Variants in PTPRD observed in about 807,000 individuals in gnomAD.
PTPRD encodes protein tyrosine phosphatase receptor type D.
A neutral mutation model predicts 214.5 loss-of-function variants in PTPRD; 34 were observed. The observed-to-expected ratio is 0.16, with a 90% CI of 0.12 to 0.21. The LOEUF (loss-of-function observed/expected upper bound fraction) is 0.21, where lower values mean the gene tolerates loss of function less well. PTPRD is among the 10% of genes least tolerant of loss of function. The pLI is 1.00. For missense variants in PTPRD, 2,545 were observed against 2,398.7 expected (o/e 1.06, Z -1.27); for synonymous variants, 1,128 against 845.7 (o/e 1.33, Z -5.79).
At chr9:9,128,729 G>C (rs559900935) in intron 10 of PTPRD, among the ~76,000 whole-genome samples, 1 of 152,270 alleles carries the variant, frequency 6.6e-6, no homozygotes, top group African/African-American at 2.4e-5. Context: ...GATAAAAGTG[G>C]AGTTTAGGTT....
chr9:10,512,009 T>C (rs1333541752), intron 2 of PTPRD, among the ~76,000 whole-genome samples: 36 of 85,854 alleles, frequency 4.2e-4, no homozygotes, highest in African/African-American at 3.0e-4. Context: ...TATATATATA[T>C]ACGTGTGTGT....
At position 9,625,985 on chromosome 9, in the gene PTPRD, C is replaced by T. The variant is rs186900606; in HGVS notation, c.-286-51204G>A. Among the ~76,000 whole-genome samples the T allele has an allele frequency of 1.7e-3, 264 of 152,198 alleles. 1 individual carries two copies. Among genetic ancestry groups the T allele is most frequent in the African/African-American group, 6.1e-3 (253 of 41,520 alleles). On this transcript the variant is annotated intron_variant, in intron 7 of 45. Transcript: ENST00000381196. ...CTTTTGCTGCAACTACTGAGTTCTGCCTTTGTAGCACAAAAAAACAGCAAT... is the reference window on the plus strand; with the variant it reads ...CTTTTGCTGCAACTACTGAGTTCTGTCTTTGTAGCACAAAAAAACAGCAAT...
At chr9:9,365,166 T>A (rs556401960) in intron 9 of PTPRD, among the ~76,000 whole-genome samples, 1 of 151,456 alleles carries the variant, frequency 6.6e-6, no homozygotes, top group Non-Finnish European at 1.5e-5. Flanking sequence ...ATACAAAATA[T>A]TGGATCACAG....
chr9:8,905,365 T>C (rs995485040), intron 11 of PTPRD, among the ~76,000 whole-genome samples: 1 of 152,114 alleles, frequency 6.6e-6, no homozygotes, highest in Non-Finnish European at 1.5e-5. Context: ...TCTTTCTGTG[T>C]ACATTATGGC....
chr9:10,159,594 C>T (rs190698813), intron 3 of PTPRD, among the ~76,000 whole-genome samples: 35 of 152,076 alleles, frequency 2.3e-4, no homozygotes, highest in Admixed American at 2.2e-3. Flanking sequence ...TTTAAGGAAA[C>T]TCAGTGATCT....
intron 3 of PTPRD, among the ~76,000 whole-genome samples, chr9:10,043,526 T>C (rs945145085): frequency 1.3e-5 from 2 of 151,832 alleles, no homozygotes; most frequent in African/African-American, 4.8e-5. Context: ...AGAGGTAAAT[T>C]TGGAGTTCCT....
intron 6 of PTPRD, among the ~76,000 whole-genome samples, chr9:9,750,735 G>T (rs2098509311): frequency 6.6e-6 from 1 of 152,058 alleles, no homozygotes; most frequent in Non-Finnish European, 1.5e-5. Flanking sequence ...ATATCTTGAG[G>T]AAGGACAACT....
chr9:9,092,298 G>A (rs555549445), intron 10 of PTPRD, among the ~76,000 whole-genome samples: 1 of 152,186 alleles, frequency 6.6e-6, no homozygotes, highest in Admixed American at 6.5e-5. Flanking sequence ...ATTCATGACT[G>A]TATCCTGGTA....
intron 9 of PTPRD, among the ~76,000 whole-genome samples, chr9:9,336,185 T>A (rs761003837): frequency 6.6e-6 from 1 of 152,130 alleles, no homozygotes; most frequent in Non-Finnish European, 1.5e-5. Flanking sequence ...CTTTGATGTA[T>A]CTTTCTAAAG....
chr9:9,809,504 T>A (rs1380559798), intron 5 of PTPRD, among the ~76,000 whole-genome samples: 1 of 152,116 alleles, frequency 6.6e-6, no homozygotes, highest in Admixed American at 6.5e-5. Flanking sequence ...GACCTCGTTA[T>A]CCGCCTGCCT....
At chr9:10,118,290 T>C (rs2098747484) in intron 3 of PTPRD, among the ~76,000 whole-genome samples, 1 of 151,682 alleles carries the variant, frequency 6.6e-6, no homozygotes, top group African/African-American at 2.4e-5. Context: ...TATATATCTA[T>C]AGAAACATTT....
rs111601694 is a variant in PTPRD at position 10,413,412 on chromosome 9, A to C, written c.-599-72395T>G. On this transcript the variant is annotated intron_variant, in intron 2 of 45. Transcript: ENST00000381196. Reference sequence around the variant, plus strand: ...AAAAACAGCTCACGAGGGATGTAAAAGATCTCTATGATAAGAACTACAAAA... The same window carrying C: ...AAAAACAGCTCACGAGGGATGTAAACGATCTCTATGATAAGAACTACAAAA... 4.7e-3 allele frequency among the ~76,000 whole-genome samples: 722 copies of C among 152,034 alleles called. 7 individuals carry two copies. Among genetic ancestry groups the C allele is most frequent in the Middle Eastern group, 0.014 (4 of 294 alleles).
intron 6 of PTPRD, among the ~76,000 whole-genome samples, chr9:9,750,415 C>G (rs761643218): frequency 2.0e-5 from 3 of 152,076 alleles, no homozygotes; most frequent in Non-Finnish European, 4.4e-5. Flanking sequence ...ATATACAAAC[C>G]ATGATGCCTC....
intron 9 of PTPRD, among the ~76,000 whole-genome samples, chr9:9,199,557 G>A (rs192463252): frequency 3.9e-5 from 6 of 152,100 alleles, no homozygotes; most frequent in Non-Finnish European, 8.8e-5. Context: ...ACTGATAAAA[G>A]TGTTATAAAG....
chr9:9,125,292 C>T (rs1188675200), intron 10 of PTPRD, among the ~76,000 whole-genome samples: 7 of 152,246 alleles, frequency 4.6e-5, no homozygotes, highest in Non-Finnish European at 7.4e-5. Flanking sequence ...GGGAGCACCT[C>T]GCTGCCAGAG....
chr9:9,908,008 C>T (rs553308258), intron 5 of PTPRD, among the ~76,000 whole-genome samples: 53 of 151,296 alleles, frequency 3.5e-4, no homozygotes, highest in Non-Finnish European at 6.6e-4. Flanking sequence ...ACTTTGAGGA[C>T]TATATAGTAT....
chr9:9,925,690 C>T (rs559314637), intron 5 of PTPRD, among the ~76,000 whole-genome samples: 87 of 152,208 alleles, frequency 5.7e-4, no homozygotes, highest in Non-Finnish European at 1.1e-3. Context: ...TTCTCTCACT[C>T]ATTATGCTAA....
In PTPRD at chr9:8,449,783, G is replaced by A. The variant is rs373752314; in HGVS notation, c.3930C>T (p.Ile1310=). 1.9e-6 allele frequency: 3 copies of A among 1,613,948 alleles called. No homozygotes were observed. In the African/African-American group the frequency reaches 4.0e-5, roughly 22 times the overall value. The change falls in exon 34 of 46, where the codon ATC becomes ATT. Residue 1310 remains isoleucine (I), a synonymous_variant. Coordinates refer to ENST00000381196, the MANE Select transcript of PTPRD (RefSeq NM_002839.4). The part of the protein sequence containing the change: ...RKSSIPNNKE[I]PSHHPTDPVE... ...CAGGGTCTGTTGGGTGGTGTGAAGG[G>A]ATCTCCTTATTGTTCGGTATGCTGC...
chr9:8,965,998 T>C (rs533924423), intron 11 of PTPRD, among the ~76,000 whole-genome samples: 2 of 152,140 alleles, frequency 1.3e-5, no homozygotes, highest in East Asian at 1.9e-4. Flanking sequence ...CCAATAATGA[T>C]GAAGCTAAGA....
Sources: allele counts gnomAD v4.1 joint callset (sites outside exome capture counted in the v4.1 genomes callset), GRCh38; gene constraint gnomAD v4.1.1; transcripts MANE v1.5; gene names NCBI Gene and HGNC (gene_info 2026-07-23, HGNC 2026-07-21).